Variants in SREBF2 observed in about 807,000 individuals in gnomAD.
SREBF2 encodes the protein sterol regulatory element binding transcription factor 2.
Under a neutral mutation model 113.1 loss-of-function variants are expected in SREBF2, and 55 were observed. That is an observed-to-expected ratio of 0.49 (90% confidence interval 0.39 to 0.61). The LOEUF (loss-of-function observed/expected upper bound fraction) is 0.61. Among genes scored for constraint, SREBF2 ranks in the 20% least tolerant of loss-of-function variants. The pLI is 0.00. For missense variants in SREBF2, 1,349 were observed against 1,487.4 expected (o/e 0.91, Z 1.53); for synonymous variants, 593 against 605.7 (o/e 0.98, Z 0.31).
At chr22:41,881,116 G>A in intron 10 of SREBF2, 124 bp downstream of exon 10, 1 of 1,281,026 alleles carries the variant, frequency 7.8e-7, no homozygotes, top group Non-Finnish European at 1.1e-6. Flanking sequence ...TTTTAGAGTG[G>A]CTAGACCAAG....
In SREBF2 at chr22:41,880,452, C is replaced by T. The variant is rs111327326; in HGVS notation, c.1762-264C>T. 6.3e-3 allele frequency among the ~76,000 whole-genome samples: 956 copies of T among 151,264 alleles called. 11 individuals are homozygous for T. Among genetic ancestry groups the T allele is most frequent in the African/African-American group, 0.021 (883 of 41,150 alleles). On this transcript the variant is annotated intron_variant, in intron 9 of 18. Transcript: ENST00000361204. Reference sequence around the variant, plus strand: ...GAGGGAACTCTGACCAGCATTTGCTCATAGAACAAACGCACGCAGTACAAT... The same window carrying T: ...GAGGGAACTCTGACCAGCATTTGCTTATAGAACAAACGCACGCAGTACAAT...
Position 41,902,969 on chromosome 22 carries a change from G to A in SREBF2, c.2908-1G>A. On this transcript the variant is annotated splice_acceptor_variant, in intron 16 of 18. Coordinates refer to ENST00000361204, the MANE Select transcript of SREBF2 (RefSeq NM_004599.4). LOFTEE classifies it high-confidence loss of function. ...CCCCTCTCTCGTGGCTGACCCCACA[G>A]GTGGTCCAGCTGCTCACCTGTGACC... 6.2e-7 allele frequency: 1 copy of A among 1,609,398 alleles called. No individual in the cohort carries two copies. Among genetic ancestry groups the A allele is most frequent in the Non-Finnish European group, 8.5e-7 (1 of 1,178,100 alleles).
At chr22:41,893,867 A>G (rs2077386613) in intron 12 of SREBF2, among the ~76,000 whole-genome samples, 1 of 152,030 alleles carries the variant, frequency 6.6e-6, no homozygotes, top group African/African-American at 2.4e-5. Context: ...ATTGACTTAG[A>G]CCTTGAGTGC....
chr22:41,849,348 C>G (rs903781368), intron 1 of SREBF2, among the ~76,000 whole-genome samples: 1 of 152,116 alleles, frequency 6.6e-6, no homozygotes, highest in Non-Finnish European at 1.5e-5. Context: ...CTTGCCGCCA[C>G]GCCCGGCTAA....
chr22:41,866,679 T>C, intron 1 of SREBF2, 152 bp from the exon 2 acceptor site: 1 of 890,278 alleles, frequency 1.1e-6, no homozygotes, highest in South Asian at 1.4e-5. Context: ...TTGGCCCAGA[T>C]GATCCCCACA....
intron 1 of SREBF2, among the ~76,000 whole-genome samples, chr22:41,865,423 G>A (rs185637204): frequency 6.6e-6 from 1 of 152,256 alleles, no homozygotes; most frequent in Admixed American, 6.5e-5. Context: ...AAACTATCTG[G>A]GACAAAGCTG....
At chr22:41,905,352 C>T (rs1405099026) in intron 18 of SREBF2, 88 bp from the exon 19 acceptor site, 10 of 1,258,034 alleles carry the variant, frequency 7.9e-6, no homozygotes, top group African/African-American at 3.0e-5. Flanking sequence ...TGGATGTGAG[C>T]GTTCAGTGAA....
chr22:41,885,083 G>A, intron 11 of SREBF2, 72 bp downstream of exon 11: 1 of 1,570,008 alleles, frequency 6.4e-7, no homozygotes, highest in Non-Finnish European at 8.7e-7. Context: ...AGATGCAGAA[G>A]CAGTTATGAA....
intron 1 of SREBF2, among the ~76,000 whole-genome samples, chr22:41,856,528 A>G (rs554065669): frequency 6.6e-6 from 1 of 152,320 alleles, no homozygotes; most frequent in South Asian, 2.1e-4. Flanking sequence ...AAGTAATTTT[A>G]AATAGTTTTG....
In SREBF2 at chr22:41,906,043, C is replaced by T. The variant is rs2077505930; in HGVS notation, c.*383C>T. The T allele has an allele frequency of 2.1e-6, 1 of 476,070 alleles. No individual in the cohort carries two copies. The highest frequency in any genetic ancestry group is 2.3e-5 in the Admixed American group (1 of 43,016). 29.5% of individuals were successfully genotyped at this position (476,070 alleles called of 1,614,324 possible). ...GGCTTTCTCTGGGGGACAGCAGTCT[C>T]TGAGCACCAGGGAGCAGTTGCCCTC... On this transcript the variant is annotated 3_prime_UTR_variant, in exon 19 of 19. Coordinates refer to ENST00000361204, the MANE Select transcript of SREBF2 (RefSeq NM_004599.4).
intron 4 of SREBF2, among the ~76,000 whole-genome samples, chr22:41,871,746 G>T (rs1377561395): frequency 4.0e-5 from 6 of 151,854 alleles, no homozygotes; most frequent in African/African-American, 1.4e-4. Flanking sequence ...ACAAAAATTA[G>T]CTGGGTATGG....
At chr22:41,868,919 G>A in intron 3 of SREBF2, 127 bp downstream of exon 3, 10 of 1,222,998 alleles carry the variant, frequency 8.2e-6, no homozygotes, top group Non-Finnish European at 1.2e-5. Context: ...TAGGGCGCCA[G>A]GATGCACCTG....
chr22:41,893,798 G>A (rs1162665059), intron 12 of SREBF2, among the ~76,000 whole-genome samples: 1 of 152,130 alleles, frequency 6.6e-6, no homozygotes, highest in Non-Finnish European at 1.5e-5. Flanking sequence ...TCTGTCCCTG[G>A]CATTTGATAG....
chr22:41,855,801 G>A (rs2076972060), intron 1 of SREBF2, among the ~76,000 whole-genome samples: 1 of 151,006 alleles, frequency 6.6e-6, no homozygotes, highest in Non-Finnish European at 1.5e-5. Context: ...TGTTGTTCCA[G>A]GCTTGAGTAC....
intron 1 of SREBF2, among the ~76,000 whole-genome samples, chr22:41,852,773 T>C (rs2076944150): frequency 7.1e-6 from 1 of 140,754 alleles, no homozygotes; most frequent in Non-Finnish European, 1.5e-5. Context: ...GTAGATGGAG[T>C]TTTGCTCTTT....
Position 41,859,799 on chromosome 22 carries a change from C to CTTT in SREBF2, c.89-7005_89-7003dup, listed in dbSNP as rs1174473976. 7.7e-3 allele frequency among the ~76,000 whole-genome samples: 416 copies of CTTT among 54,370 alleles called. 86 individuals are homozygous for CTTT. The highest frequency in any genetic ancestry group is 0.013 in the African/African-American group (172 of 12,862). The allele number at this position is 54,370 out of a possible 152,430, so 35.7% of individuals were successfully genotyped here. ...GTTCCAAGGCTAGGATATGGTGATT[C>CTTT]TTTTTTTTTTTTTTTTTTTTTTTTT... is the stretch of plus-strand genomic sequence containing the variant. On this transcript the variant is annotated intron_variant, in intron 1 of 18. Transcript: ENST00000361204.
At position 41,852,546 on chromosome 22, in the gene SREBF2, G is replaced by A. The variant is rs559040599; in HGVS notation, c.89-14285G>A. Among the ~76,000 whole-genome samples, 41 of 151,820 alleles carry A rather than the reference G, an allele frequency of 2.7e-4. No homozygotes were observed. The South Asian group carries it at 6.7e-3, about 25-fold the overall frequency. On this transcript the variant is annotated intron_variant, in intron 1 of 18. Transcript: ENST00000361204. ...TTTTTTCCTCTCCTGACTTTCATCTGAAACCCTGAACCCTACAGGCCATGG... is the reference window on the plus strand; with the variant it reads ...TTTTTTCCTCTCCTGACTTTCATCTAAAACCCTGAACCCTACAGGCCATGG...
intron 15 of SREBF2, 48 bp downstream of exon 15, chr22:41,898,829 T>G (rs756798117): frequency 6.2e-7 from 1 of 1,608,966 alleles, no homozygotes; most frequent in Non-Finnish European, 8.5e-7. Flanking sequence ...CAGGGGAATC[T>G]TGTTTGAGTT....
intron 8 of SREBF2, 90 bp from the exon 9 acceptor site, chr22:41,877,850 ACT>A (rs2077210884): frequency 1.5e-5 from 20 of 1,327,770 alleles, no homozygotes; most frequent in African/African-American, 4.4e-5. Context: ...GAGGTAGAAG[ACT>A]CTTTCCTGTG....
Sources: gnomAD v4.1 joint callset for allele counts (sites outside exome capture counted in the v4.1 genomes callset) on GRCh38, gnomAD v4.1.1 for gene constraint, MANE v1.5 for transcripts, NCBI Gene and HGNC (gene_info 2026-07-23, HGNC 2026-07-21) for gene names.